The following LRRC37A2 variants were observed in gnomAD, a reference collection of about 807,000 sequenced individuals.
LRRC37A2 encodes the protein leucine rich repeat containing 37 member A2.
In LRRC37A2, 9 loss-of-function variants were observed where a neutral mutation model predicts 68.8. The observed-to-expected ratio is 0.13, with a 90% CI of 0.08 to 0.23. The LOEUF (loss-of-function observed/expected upper bound fraction) is 0.23. LRRC37A2 is among the 10% of genes least tolerant of loss of function. LRRC37A2 has a pLI of 1.00. For synonymous variants in LRRC37A2, 63 were observed against 367.6 expected (o/e 0.17, Z 9.48); for missense variants, 168 against 950.4 (o/e 0.18, Z 10.82).
chr17:46,971,897 A>G, the LRRC37A2 span, among the ~76,000 whole-genome samples: 116 of 152,282 alleles, frequency 7.6e-4, no homozygotes, highest in African/African-American at 2.5e-3. Context: ...CTCCCCGGCA[A>G]GGGGGAAGCT....
the LRRC37A2 span, among the ~76,000 whole-genome samples, chr17:46,888,046 G>T: frequency 2.0e-5 from 3 of 152,138 alleles, no homozygotes; most frequent in African/African-American, 7.2e-5. Flanking sequence ...TGTTGCTTTT[G>T]AATTCTGAAC....
the LRRC37A2 span, among the ~76,000 whole-genome samples, chr17:46,770,580 C>A: frequency 6.6e-6 from 1 of 152,164 alleles, no homozygotes. Flanking sequence ...CGGTCTCAGT[C>A]GCCCTTTTTG....
chr17:46,977,428 C>T, the LRRC37A2 span, among the ~76,000 whole-genome samples: 1 of 152,188 alleles, frequency 6.6e-6, no homozygotes, highest in Non-Finnish European at 1.5e-5. Flanking sequence ...GTCCCCAGGT[C>T]CCCCTGTCCC....
chr17:46,901,200 C>T, the LRRC37A2 span, among the ~76,000 whole-genome samples: 11 of 151,956 alleles, frequency 7.2e-5, no homozygotes, highest in African/African-American at 2.2e-4. Flanking sequence ...CTCACTCTGT[C>T]GCCCAGGCTG....
chr17:46,714,000 A>G, the LRRC37A2 span: 1 of 1,595,960 alleles, frequency 6.3e-7, no homozygotes. Flanking sequence ...TCAAGATTTT[A>G]CTTTCATTTT....
chr17:46,872,118 G>A, the LRRC37A2 span, among the ~76,000 whole-genome samples: 19 of 152,254 alleles, frequency 1.2e-4, no homozygotes, highest in South Asian at 2.3e-3. Flanking sequence ...CAAACTTCCC[G>A]GATCACAAAA....
chr17:46,788,904 ACACAGCTGCTAGCTC>A, the LRRC37A2 span, among the ~76,000 whole-genome samples: 106 of 152,248 alleles, frequency 7.0e-4, no homozygotes, highest in Non-Finnish European at 1.1e-3. Flanking sequence ...GGGCCTTTTA[ACACAGCTGCTAGCTC>A]CACAGTTTGG....
chr17:46,392,437 CTT>C, the LRRC37A2 span, among the ~76,000 whole-genome samples: 9 of 33,278 alleles, frequency 2.7e-4, 3 homozygotes, highest in Non-Finnish European at 8.6e-4. Context: ...TTCTCTCTTT[CTT>C]TCTTTCTTTC....
chr17:46,949,531 G>A, the LRRC37A2 span, among the ~76,000 whole-genome samples: 2 of 152,166 alleles, frequency 1.3e-5, no homozygotes, highest in Admixed American at 6.5e-5. Flanking sequence ...AGAGCAGGTG[G>A]GATGGAATTG....
chr17:46,932,242 T>C, the LRRC37A2 span: 1 of 1,611,726 alleles, frequency 6.2e-7, no homozygotes, highest in Non-Finnish European at 8.5e-7. Context: ...ACTTGACAGA[T>C]CGTGGGGGCT....
chr17:46,679,189 AG>A, the LRRC37A2 span, among the ~76,000 whole-genome samples: 1 of 151,636 alleles, frequency 6.6e-6, no homozygotes, highest in South Asian at 2.1e-4. Context: ...AGTGCTTGGG[AG>A]GGGTTGTGAG....
the LRRC37A2 span, among the ~76,000 whole-genome samples, chr17:46,834,302 C>T: frequency 6.6e-6 from 1 of 152,172 alleles, no homozygotes; most frequent in African/African-American, 2.4e-5. Flanking sequence ...GTGTCCTGGG[C>T]AGTGGCTGGA....
the LRRC37A2 span, chr17:46,923,029 C>T: frequency 3.0e-6 from 2 of 656,096 alleles, no homozygotes; most frequent in Admixed American, 2.3e-5. Context: ...TCTCCTTCCC[C>T]TTCTCCGATC....
At chr17:46,458,877 G>A in the LRRC37A2 span, among the ~76,000 whole-genome samples, 5 of 101,774 alleles carry the variant, frequency 4.9e-5, 1 homozygote, top group Non-Finnish European at 8.9e-5. Context: ...CCTTGTTCAT[G>A]CTGGTTTAGA....
At chr17:46,940,576 C>T in the LRRC37A2 span, 3 of 1,614,088 alleles carry the variant, frequency 1.9e-6, no homozygotes, top group Admixed American at 3.3e-5. Flanking sequence ...TCCTGCCAGA[C>T]AGCACACTTT....
chr17:46,710,069 T>C, the LRRC37A2 span, among the ~76,000 whole-genome samples: 1 of 152,234 alleles, frequency 6.6e-6, no homozygotes, highest in Non-Finnish European at 1.5e-5. Flanking sequence ...TAAAGAACTA[T>C]TAAAACTATT....
At chr17:46,529,204 AG>A (rs1362598007) in intron 6 of LRRC37A2, among the ~76,000 whole-genome samples, 5 of 131,280 alleles carry the variant, frequency 3.8e-5, no homozygotes, top group Admixed American at 8.0e-5. Flanking sequence ...GGGAAAAAAA[AG>A]AACAAGCAAG....
the LRRC37A2 span, among the ~76,000 whole-genome samples, chr17:46,788,494 C>A: frequency 1.3e-5 from 2 of 152,194 alleles, no homozygotes; most frequent in African/African-American, 4.8e-5. Flanking sequence ...CTCTTGTTCG[C>A]TTCTGACTCC....
chr17:46,977,071 A>G, the LRRC37A2 span, among the ~76,000 whole-genome samples: 1 of 152,116 alleles, frequency 6.6e-6, no homozygotes, highest in South Asian at 2.1e-4. Flanking sequence ...TTCTGACCAC[A>G]CAGGAGCACT....
Sources: allele counts gnomAD v4.1 joint callset (sites outside exome capture counted in the v4.1 genomes callset), GRCh38; gene constraint gnomAD v4.1.1; transcripts MANE v1.5; gene names NCBI Gene and HGNC (gene_info 2026-07-23, HGNC 2026-07-21).